KCNIP4: variants seen among roughly 807,000 people sequenced by gnomAD.
The protein encoded by KCNIP4 is potassium voltage-gated channel interacting protein 4.
A neutral mutation model predicts 34.0 loss-of-function variants in KCNIP4; 12 were observed. The ratio of observed to expected loss-of-function variants is 0.35; its 90% CI spans 0.23 to 0.57. The LOEUF (loss-of-function observed/expected upper bound fraction) is 0.57, where lower values mean the gene tolerates loss of function less well. Ranked by LOEUF, KCNIP4 falls within the 20% of genes least tolerant of loss-of-function variation. KCNIP4 has a pLI of 0.83. For synonymous variants in KCNIP4, 124 were observed against 102.2 expected (o/e 1.21, Z -1.29); for missense variants, 238 against 311.7 (o/e 0.76, Z 1.78).
chr4:20,933,132 C>G (rs1365810395), intron 1 of KCNIP4, among the ~76,000 whole-genome samples: 1 of 151,970 alleles, frequency 6.6e-6, no homozygotes, highest in South Asian at 2.1e-4. Context: ...GTAATCCTAG[C>G]TACTTCGAGG....
chr4:21,033,599 T>C (rs1367378938), intron 1 of KCNIP4, among the ~76,000 whole-genome samples: 1 of 152,172 alleles, frequency 6.6e-6, no homozygotes, highest in Non-Finnish European at 1.5e-5. Context: ...CATGAAAGTA[T>C]GAACATGGAA....
At chr4:21,795,269 C>T (rs967918356) in intron 1 of KCNIP4, among the ~76,000 whole-genome samples, 1 of 152,126 alleles carries the variant, frequency 6.6e-6, no homozygotes, top group Non-Finnish European at 1.5e-5. Flanking sequence ...TGGTGAGGAG[C>T]GTAGTCAAAA....
chr4:20,821,770 A>G (rs111677831), intron 3 of KCNIP4, among the ~76,000 whole-genome samples: 7 of 152,280 alleles, frequency 4.6e-5, no homozygotes, highest in African/African-American at 1.7e-4. Context: ...ACCTAGAAAA[A>G]TGGCCTCCAA....
chr4:21,197,921 T>C (rs989445613), intron 1 of KCNIP4, among the ~76,000 whole-genome samples: 3 of 152,150 alleles, frequency 2.0e-5, no homozygotes, highest in African/African-American at 7.2e-5. Flanking sequence ...CAATAAAACC[T>C]AAATATATTG....
rs568983519 is a variant in KCNIP4, at chr4:20,773,564, C to T, written c.289-14674G>A. Among the ~76,000 whole-genome samples the T allele has an allele frequency of 3.3e-5, 5 of 152,246 alleles. No homozygotes were observed. The East Asian group carries it at 9.7e-4, about 29-fold the overall frequency. ...CTCAGCGTGAGTTGGACCAAACATTCTTAGGGTTGTATCATCATAATGAGG... is the reference window on the plus strand; with the variant it reads ...CTCAGCGTGAGTTGGACCAAACATTTTTAGGGTTGTATCATCATAATGAGG... On this transcript the variant is annotated intron_variant, in intron 3 of 8. Coordinates refer to ENST00000382152, the MANE Select transcript of KCNIP4 (RefSeq NM_025221.6).
intron 1 of KCNIP4, among the ~76,000 whole-genome samples, chr4:20,927,183 T>G (rs1308188316): frequency 6.6e-6 from 1 of 152,186 alleles, no homozygotes; most frequent in African/African-American, 2.4e-5. Flanking sequence ...TTTACCATAT[T>G]GGCCAGGCTG....
At chr4:21,182,896 G>A (rs895413604) in intron 1 of KCNIP4, among the ~76,000 whole-genome samples, 2 of 151,966 alleles carry the variant, frequency 1.3e-5, no homozygotes, top group African/African-American at 4.8e-5. Context: ...AATCTACTCA[G>A]CAATTTTCAA....
intron 1 of KCNIP4, among the ~76,000 whole-genome samples, chr4:20,988,164 G>T (rs1407030867): frequency 6.6e-6 from 1 of 152,028 alleles, no homozygotes; most frequent in African/African-American, 2.4e-5. Context: ...TTGAATGTGG[G>T]TATACTCGGT....
intron 1 of KCNIP4, among the ~76,000 whole-genome samples, chr4:21,514,945 C>T (rs1734637346): frequency 6.6e-6 from 1 of 152,180 alleles, no homozygotes; most frequent in Admixed American, 6.5e-5. Flanking sequence ...TTTCTTACTT[C>T]TATCCTAAAC....
chr4:20,979,564 AT>A (rs1172307267), intron 1 of KCNIP4, among the ~76,000 whole-genome samples: 1 of 151,644 alleles, frequency 6.6e-6, no homozygotes, highest in Admixed American at 6.6e-5. Flanking sequence ...TCGCCCAGCT[AT>A]TTTTTTGTAT....
intron 1 of KCNIP4, among the ~76,000 whole-genome samples, chr4:21,291,048 T>G (rs1763424173): frequency 6.6e-6 from 1 of 152,218 alleles, no homozygotes; most frequent in Admixed American, 6.5e-5. Context: ...GAGCAGGGAT[T>G]GTAGTCAGGG....
intron 1 of KCNIP4, among the ~76,000 whole-genome samples, chr4:21,889,313 T>A (rs1726957204): frequency 6.6e-6 from 1 of 152,126 alleles, no homozygotes; most frequent in Non-Finnish European, 1.5e-5. Flanking sequence ...AATCTCATGT[T>A]TAGATTTGGG....
intron 1 of KCNIP4, among the ~76,000 whole-genome samples, chr4:21,146,607 T>C (rs1752376452): frequency 6.6e-6 from 1 of 152,088 alleles, no homozygotes; most frequent in South Asian, 2.1e-4. Context: ...AGTTCCCGAA[T>C]AGCAACCCAT....
intron 1 of KCNIP4, among the ~76,000 whole-genome samples, chr4:21,185,008 C>T (rs1755110934): frequency 2.0e-5 from 3 of 152,120 alleles, no homozygotes; most frequent in Non-Finnish European, 4.4e-5. Flanking sequence ...CACATCCGAA[C>T]AGGACAATGT....
intron 1 of KCNIP4, among the ~76,000 whole-genome samples, chr4:21,795,953 C>T (rs1720598757): frequency 6.6e-6 from 1 of 152,036 alleles, no homozygotes; most frequent in Admixed American, 6.6e-5. Context: ...CCTGTAATCC[C>T]AGCTACTAGG....
chr4:21,213,593 T>G (rs982458965), intron 1 of KCNIP4, among the ~76,000 whole-genome samples: 1 of 152,074 alleles, frequency 6.6e-6, no homozygotes, highest in African/African-American at 2.4e-5. Context: ...TGAGCCACCA[T>G]GCACGGCCGA....
At chr4:20,950,674 G>A (rs927576688) in intron 1 of KCNIP4, among the ~76,000 whole-genome samples, 2 of 151,944 alleles carry the variant, frequency 1.3e-5, no homozygotes, top group African/African-American at 4.8e-5. Flanking sequence ...AAGCAGTAGA[G>A]AGGCATGCAA....
At chr4:21,839,459 G>GA (rs2109318079) in intron 1 of KCNIP4, among the ~76,000 whole-genome samples, 1 of 152,128 alleles carries the variant, frequency 6.6e-6, no homozygotes, top group South Asian at 2.1e-4. Flanking sequence ...ATCTTTCCTA[G>GA]AAAAAGAAAG....
intron 1 of KCNIP4, among the ~76,000 whole-genome samples, chr4:21,416,588 G>A (rs1289267185): frequency 6.6e-6 from 1 of 152,110 alleles, no homozygotes; most frequent in African/African-American, 2.4e-5. Flanking sequence ...GAAAATGGTT[G>A]GAAGACAGGA....
Sources: allele counts gnomAD v4.1 joint callset (sites outside exome capture counted in the v4.1 genomes callset), GRCh38; gene constraint gnomAD v4.1.1; transcripts MANE v1.5; gene names NCBI Gene and HGNC (gene_info 2026-07-23, HGNC 2026-07-21).